The following ZNF85 variants were observed in gnomAD, a reference collection of about 807,000 sequenced individuals.
The protein encoded by ZNF85 is zinc finger protein 85, also known as zinc finger protein 85 (HPF4, HTF1).
A neutral mutation model predicts 53.9 loss-of-function variants in ZNF85; 50 were observed. That is an observed-to-expected ratio of 0.93 (90% CI 0.74 to 1.17). The LOEUF is 1.17. ZNF85 is among the 50% of genes most tolerant of loss of function. ZNF85 has a pLI of 0.00. For missense variants in ZNF85, 747 were observed against 688.5 expected, an observed-to-expected ratio of 1.08 and a Z score of -0.95; for synonymous variants, 225 against 226.1, an observed-to-expected ratio of 1.00 and a Z score of 0.04.
At position 20,923,313 on chromosome 19, in the gene ZNF85, T is replaced by C; in HGVS notation, c.-88T>C. 6.2e-7 allele frequency: 1 copy of C among 1,601,542 alleles called. No individual in the cohort carries two copies. Among genetic ancestry groups the C allele is most frequent in the Non-Finnish European group, 8.5e-7 (1 of 1,169,770 alleles). Reference sequence around the variant, plus strand: ...GTTTTCCCTGCTTTGTGTTTTCTGCTCGTGGACGCCCAGCCTCTGTGGCCC... The same window carrying C: ...GTTTTCCCTGCTTTGTGTTTTCTGCCCGTGGACGCCCAGCCTCTGTGGCCC... On this transcript the variant is annotated 5_prime_UTR_variant, in exon 1 of 4. Transcript: ENST00000328178.
chr19:20,945,851 T>C (rs1458539629), intron 3 of ZNF85: 1 of 152,290 alleles, frequency 6.6e-6, no homozygotes, highest in Admixed American at 6.5e-5. Flanking sequence ...TTTGCATTGC[T>C]TTCACCCATT....
At chr19:20,933,906 C>A in intron 1 of ZNF85, 118 bp from the exon 2 acceptor site, 1 of 1,137,876 alleles carries the variant, frequency 8.8e-7, no homozygotes, top group South Asian at 2.1e-5. Flanking sequence ...TGTACTCTCT[C>A]ATTTCACCTT....
At position 20,947,654 on chromosome 19, in the gene ZNF85, C is replaced by T. The variant is rs149305361; in HGVS notation, c.230-1090C>T. On this transcript the variant is annotated intron_variant, in intron 3 of 3. Coordinates refer to ENST00000328178, the MANE Select transcript of ZNF85 (RefSeq NM_003429.5). ...TTTATCTTGCATCTTTGAGGATTTT[C>T]TACTTTGTGACTTGAAATTGCACTC... Among the ~76,000 whole-genome samples, 632 of 151,324 alleles carry T rather than the reference C, an allele frequency of 4.2e-3. 4 individuals are homozygous for T. The highest frequency in any genetic ancestry group is 0.014 in the African/African-American group (593 of 41,370).
intron 1 of ZNF85, among the ~76,000 whole-genome samples, chr19:20,930,770 G>A (rs1450775988): frequency 1.3e-5 from 2 of 152,084 alleles, no homozygotes; most frequent in Non-Finnish European, 2.9e-5. Flanking sequence ...GGATGGAGAT[G>A]GATTTTATTT....
Position 20,923,302 on chromosome 19 carries a change from G to C in ZNF85, c.-99G>C. 1.3e-6 allele frequency: 2 copies of C among 1,584,588 alleles called. No individual in the cohort carries two copies. The highest frequency in any genetic ancestry group is 1.7e-6 in the Non-Finnish European group (2 of 1,155,166). On this transcript the variant is annotated 5_prime_UTR_variant, in exon 1 of 4. Transcript: ENST00000328178. ...CTCTAGGTCTTGTTTTCCCTGCTTT[G>C]TGTTTTCTGCTCGTGGACGCCCAGC...
intron 3 of ZNF85, among the ~76,000 whole-genome samples, chr19:20,938,874 G>GTA (rs1200508477): frequency 2.1e-5 from 3 of 140,714 alleles, no homozygotes; most frequent in African/African-American, 8.4e-5. Flanking sequence ...GTGTGTGTGT[G>GTA]TGTATATATA....
chr19:20,934,312 C>T (rs1414531279), intron 2 of ZNF85, among the ~76,000 whole-genome samples, 162 bp downstream of exon 2: 1 of 152,146 alleles, frequency 6.6e-6, no homozygotes, highest in East Asian at 1.9e-4. Context: ...AGAATTTCTG[C>T]AAGATGTTTC....
At chr19:20,941,697 G>A (rs1206817123) in intron 3 of ZNF85, among the ~76,000 whole-genome samples, 1 of 152,006 alleles carries the variant, frequency 6.6e-6, no homozygotes, top group African/African-American at 2.4e-5. Context: ...CATTCTCAAT[G>A]TTAACTTCTA....
At chr19:20,932,837 G>T (rs1973055840) in intron 1 of ZNF85, among the ~76,000 whole-genome samples, 1 of 151,890 alleles carries the variant, frequency 6.6e-6, no homozygotes, top group South Asian at 2.1e-4. Context: ...ACTATAGTTT[G>T]GAGGAGCAGT....
At position 20,949,343 on chromosome 19, in the gene ZNF85, A is replaced by G; in HGVS notation, c.829A>G (p.Lys277Glu). 1 of 1,609,126 alleles carries G rather than the reference A, an allele frequency of 6.2e-7. No individual in the cohort carries two copies. Among genetic ancestry groups the G allele is most frequent in the Non-Finnish European group, 8.5e-7 (1 of 1,176,864 alleles). Residue 277 changes from lysine (K) to glutamate (E), a missense_variant, in exon 4 of 4, where the codon AAG becomes GAG. Physicochemically the swap from Lys to Glu is moderately conservative, Grantham distance 56. Transcript: ENST00000328178. ...FNRFSTLTTH[K>E]IIHTGEKPYK... ...CCGATTCTCAACTCTTACTACCCAT[A>G]AGATAATTCATACTGGAGAGAAACC...
chr19:20,942,181 T>C (rs1599442505), intron 3 of ZNF85, among the ~76,000 whole-genome samples: 1 of 151,782 alleles, frequency 6.6e-6, no homozygotes, highest in East Asian at 1.9e-4. Context: ...TTTTTTTTTT[T>C]CCTGAGACAG....
rs200309513 is a variant in ZNF85 at position 20,948,926 on chromosome 19, C to T, written c.412C>T (p.Leu138Phe). The change falls in exon 4 of 4, where the codon CTC becomes TTC. Residue 138 changes from leucine (L) to phenylalanine (F), a missense_variant. Coordinates refer to ENST00000328178, the MANE Select transcript of ZNF85 (RefSeq NM_003429.5). ...AGGTTGTAATGGACTTAACCAATGT[C>T]TCACAGCTACCCAGAGCAAAATATT... is the stretch of plus-strand genomic sequence containing the variant. ...KGGCNGLNQCLTATQSKIFQC... is the reference protein window; with the variant it reads ...KGGCNGLNQCFTATQSKIFQC... 6.9e-5 allele frequency: 112 copies of T among 1,613,496 alleles called. No individual in the cohort carries two copies. Among genetic ancestry groups the T allele is most frequent in the Middle Eastern group, 3.3e-4 (2 of 6,082 alleles).
chr19:20,938,712 T>TA lies in ZNF85; in HGVS notation c.229+3666dup, dbSNP rs1176547852. ...CTCCATATTTACTAAAATAGTTACT[T>TA]ATAAATTTAAGTTTGCTGCAGGCAA... On this transcript the variant is annotated intron_variant, in intron 3 of 3. Coordinates refer to ENST00000328178, the MANE Select transcript of ZNF85 (RefSeq NM_003429.5). 3.9e-5 allele frequency among the ~76,000 whole-genome samples: 6 copies of TA among 152,234 alleles called. No individual in the cohort carries two copies. The East Asian group carries it at 1.2e-3, about 29-fold the overall frequency.
chr19:20,946,278 ACTT>A (rs926232253), intron 3 of ZNF85: 7 of 388,542 alleles, frequency 1.8e-5, no homozygotes, highest in African/African-American at 1.3e-4. Context: ...ATTTGTTAAG[ACTT>A]CTTTTTTTGT....
intron 3 of ZNF85, among the ~76,000 whole-genome samples, chr19:20,936,394 G>A: frequency 6.9e-6 from 1 of 144,192 alleles, no homozygotes; most frequent in East Asian, 2.0e-4. Context: ...AAAATCCTTT[G>A]AGAGACAAAG....
chr19:20,923,422 C>T lies in ZNF85; in HGVS notation c.3+19C>T. The T allele has an allele frequency of 6.2e-7, 1 of 1,614,020 alleles. No homozygotes were observed. Among genetic ancestry groups the T allele is most frequent in the Non-Finnish European group, 8.5e-7 (1 of 1,179,950 alleles). ...AGAAATGGTGAGAGTGCCAGGTCCG[C>T]CATCCCGAGGGGGAAAGGGGTTGGT... On this transcript the variant is annotated intron_variant, in intron 1 of 3. Transcript: ENST00000328178.
intron 3 of ZNF85, among the ~76,000 whole-genome samples, chr19:20,942,345 T>C (rs1433601291): frequency 6.6e-6 from 1 of 151,998 alleles, no homozygotes; most frequent in Non-Finnish European, 1.5e-5. Context: ...GGTTTCAGTA[T>C]GTTGGCCAGA....
chr19:20,938,035 A>G (rs956706423), intron 3 of ZNF85, among the ~76,000 whole-genome samples: 3 of 152,102 alleles, frequency 2.0e-5, no homozygotes, highest in Non-Finnish European at 4.4e-5. Flanking sequence ...AGAGGCACTT[A>G]TTTTGGAGAT....
Position 20,949,110 on chromosome 19 carries a change from TA to T in ZNF85, c.599del (p.Asn200IlefsTer79). 1 of 1,613,450 alleles carries T rather than the reference TA, an allele frequency of 6.2e-7. No individual in the cohort carries two copies. Reference protein sequence around the residue: ...LTEHSRIHTRVNFYKCEECGK... With the variant: ...LTEHSRIHTRXNFYKCEECGK... ...GAACATAGCAGAATTCATACTAGAG[TA>T]AATTTCTACAAATGTGAAGAATGTG... On this transcript the variant is annotated frameshift_variant, in exon 4 of 4. Transcript: ENST00000328178. LOFTEE classifies it high-confidence loss of function.
Sources: gnomAD v4.1 joint callset for allele counts (sites outside exome capture counted in the v4.1 genomes callset) on GRCh38, gnomAD v4.1.1 for gene constraint, MANE v1.5 for transcripts, NCBI Gene and HGNC (gene_info 2026-07-23, HGNC 2026-07-21) for gene names.